The following LYST variants were observed in gnomAD, a reference collection of about 807,000 sequenced individuals.
LYST encodes the protein lysosomal trafficking regulator, also known as lysosomal-trafficking regulator.
LYST carries 192 observed loss-of-function variants against 413.6 expected under a neutral mutation model. That is an observed-to-expected ratio of 0.46 (90% CI 0.41 to 0.52). LYST has a LOEUF of 0.52. Ranked by LOEUF, LYST falls within the 20% of genes least tolerant of loss-of-function variation. The pLI is 0.00. For missense variants in LYST, 3,815 were observed against 4,499.9 expected (o/e 0.85, Z 4.35); for synonymous variants, 1,525 against 1,567.3 (o/e 0.97, Z 0.64).
intron 15 of LYST, among the ~76,000 whole-genome samples, chr1:235,781,327 G>A (rs1669851675): frequency 6.6e-6 from 1 of 151,926 alleles, no homozygotes; most frequent in Non-Finnish European, 1.5e-5. Context: ...CCAGAAAACA[G>A]GTTTTCTGTT....
chr1:235,785,202 C>T (rs891335979), intron 14 of LYST, among the ~76,000 whole-genome samples: 10 of 152,172 alleles, frequency 6.6e-5, no homozygotes, highest in Admixed American at 2.6e-4. Flanking sequence ...GTTTAATACC[C>T]TGTTCTTAGA....
intron 20 of LYST, among the ~76,000 whole-genome samples, chr1:235,768,881 C>T (rs1668389956): frequency 6.6e-6 from 1 of 152,044 alleles, no homozygotes; most frequent in Admixed American, 6.6e-5. Context: ...ATATTCTATT[C>T]CCTACAACAA....
At chr1:235,807,200 G>A (rs1291361959) in intron 5 of LYST, among the ~76,000 whole-genome samples, 1 of 152,160 alleles carries the variant, frequency 6.6e-6, no homozygotes, top group East Asian at 1.9e-4. Context: ...GGGAATTTTT[G>A]TTTACTTTAA....
intron 41 of LYST, 35 bp from the exon 42 acceptor site, chr1:235,715,392 T>C: frequency 6.2e-7 from 1 of 1,608,524 alleles, no homozygotes; most frequent in Non-Finnish European, 8.5e-7. Context: ...AATTCATGAT[T>C]GTGGGCTCCA....
chr1:235,712,060 C>A lies in LYST; in HGVS notation c.9922G>T (p.Glu3308Ter). ...TAAAAATAATTTATTGCTATACCTT[C>A]ACGGTTAACTAGGAACTCTGGAAGA... Reference protein sequence around the residue: ...FYLPEFLVNREGFDFGVRQNG... With the variant: ...FYLPEFLVNR Residue 3308 changes from glutamate to a stop codon, truncating the protein, a stop_gained, in exon 43 of 53, where the codon GAA (glutamate) becomes TAA (stop). Coordinates refer to ENST00000389793, the MANE Select transcript of LYST (RefSeq NM_000081.4). LOFTEE classifies it high-confidence loss of function. The A allele has an allele frequency of 6.5e-7, 1 of 1,537,194 alleles. No homozygotes were observed. Among genetic ancestry groups the A allele is most frequent in the Non-Finnish European group, 8.8e-7 (1 of 1,136,784 alleles).
chr1:235,802,876 A>T, intron 8 of LYST, 32 bp downstream of exon 8: 1 of 1,607,830 alleles, frequency 6.2e-7, no homozygotes, highest in Non-Finnish European at 8.5e-7. Context: ...TGGCTTGCAG[A>T]TCTAATTACA....
intron 31 of LYST, chr1:235,738,280 T>G (rs1664995367): frequency 6.2e-7 from 1 of 1,611,502 alleles, no homozygotes; most frequent in Non-Finnish European, 8.5e-7. Context: ...CTGGTCACTA[T>G]CACGGCTGAG....
intron 10 of LYST, among the ~76,000 whole-genome samples, chr1:235,794,981 A>G (rs542564822): frequency 2.6e-5 from 4 of 152,312 alleles, no homozygotes; most frequent in African/African-American, 7.2e-5. Flanking sequence ...AACAGCAAAA[A>G]TATGTGGGGG....
intron 20 of LYST, 79 bp from the exon 21 acceptor site, chr1:235,766,356 CTTT>C: frequency 9.7e-7 from 1 of 1,026,948 alleles, no homozygotes; most frequent in South Asian, 1.5e-5. Context: ...GCAAAATATT[CTTT>C]TTAAGATAGA....
chr1:235,864,410 T>C (rs1236935378), intron 1 of LYST, among the ~76,000 whole-genome samples: 3 of 152,188 alleles, frequency 2.0e-5, no homozygotes, highest in Non-Finnish European at 4.4e-5. Flanking sequence ...ATCTTTCTAC[T>C]TGTTCGGAAC....
chr1:235,781,949 C>T lies in LYST; in HGVS notation c.5001G>A (p.Leu1667=), dbSNP rs748942618. The part of the protein sequence containing the change: ...EFLQLAGKWD[L]GNLLLFNGAK... Reference sequence around the variant, plus strand: ...CACCGTTGAAGAGAAGCAAATTTCCCAGGTCCCATTTTCCAGCCAACTGCA... The same window carrying T: ...CACCGTTGAAGAGAAGCAAATTTCCTAGGTCCCATTTTCCAGCCAACTGCA... The change falls in exon 15 of 53, where the codon CTG becomes CTA. Residue 1667 remains leucine (L), a synonymous_variant. Coordinates refer to ENST00000389793, the MANE Select transcript of LYST (RefSeq NM_000081.4). 51 of 1,613,178 alleles carry T rather than the reference C, an allele frequency of 3.2e-5. No individual in the cohort carries two copies. The highest frequency in any genetic ancestry group is 6.7e-5 in the African/African-American group (5 of 74,916).
chr1:235,776,320 G>A (rs1213810755), intron 17 of LYST, among the ~76,000 whole-genome samples: 1 of 152,146 alleles, frequency 6.6e-6, no homozygotes, highest in Non-Finnish European at 1.5e-5. Flanking sequence ...GCTTCTTATT[G>A]CAAAATTAAT....
At chr1:235,708,189 G>T (rs1033618611) in intron 44 of LYST, among the ~76,000 whole-genome samples, 1 of 152,138 alleles carries the variant, frequency 6.6e-6, no homozygotes, top group Non-Finnish European at 1.5e-5. Flanking sequence ...TGATACATAT[G>T]TATAGATAGA....
upstream of LYST, among the ~76,000 whole-genome samples, chr1:235,869,450 T>A (rs933107571): frequency 1.3e-5 from 2 of 151,316 alleles, no homozygotes; most frequent in African/African-American, 4.9e-5. Flanking sequence ...CTGGCCCGGG[T>A]GAAAGAGCGA....
intron 48 of LYST, among the ~76,000 whole-genome samples, chr1:235,682,906 T>C (rs1473058441): frequency 6.6e-6 from 1 of 152,218 alleles, no homozygotes; most frequent in African/African-American, 2.4e-5. Context: ...AAAACTAAAA[T>C]GAGGTTAGCG....
At chr1:235,769,201 G>A (rs1668425183) in intron 20 of LYST, among the ~76,000 whole-genome samples, 1 of 152,020 alleles carries the variant, frequency 6.6e-6, no homozygotes, top group African/African-American at 2.4e-5. Context: ...CCACGTGGAG[G>A]ATAAGTAGGA....
chr1:235,851,527 C>T (rs1377715568), intron 1 of LYST, among the ~76,000 whole-genome samples: 1 of 151,682 alleles, frequency 6.6e-6, no homozygotes, highest in Non-Finnish European at 1.5e-5. Flanking sequence ...TAACCAAATA[C>T]CACCTGTACC....
In LYST at chr1:235,661,928, A is replaced by G. The variant is rs1309965570; in HGVS notation, c.*1012T>C. Reference sequence around the variant, plus strand: ...ATTCTTCCTAGAATTCTCAGATGGTATAGGTTAGTAGAAACAGAATGAAAT... The same window carrying G: ...ATTCTTCCTAGAATTCTCAGATGGTGTAGGTTAGTAGAAACAGAATGAAAT... On this transcript the variant is annotated 3_prime_UTR_variant, in exon 53 of 53. Coordinates refer to ENST00000389793, the MANE Select transcript of LYST (RefSeq NM_000081.4). 6.6e-6 allele frequency: 1 copy of G among 152,358 alleles called. No individual in the cohort carries two copies. The highest frequency in any genetic ancestry group is 1.5e-5 in the Non-Finnish European group (1 of 68,036). The allele number at this position is 152,358 out of a possible 1,614,324, so 9.4% of individuals were successfully genotyped here.
At position 235,820,142 on chromosome 1, in the gene LYST, C is replaced by CCTG. The variant is rs1572367821; in HGVS notation, c.193-7082_193-7081insCAG. 2.0e-5 allele frequency among the ~76,000 whole-genome samples: 3 copies of CCTG among 152,140 alleles called. No homozygotes were observed. In the East Asian group the frequency reaches 5.8e-4, roughly 29 times the overall value. On this transcript the variant is annotated intron_variant, in intron 3 of 52. Transcript: ENST00000389793. Reference sequence around the variant, plus strand: ...ACTATTGTTTAGACTGGGTTTTAAACTAATTGCCTAACCTAGCCATTCAGA... The same window carrying CCTG: ...ACTATTGTTTAGACTGGGTTTTAAACCTGTAATTGCCTAACCTAGCCATTCAGA...
Sources: allele counts gnomAD v4.1 joint callset (sites outside exome capture counted in the v4.1 genomes callset), GRCh38; gene constraint gnomAD v4.1.1; transcripts MANE v1.5; gene names NCBI Gene and HGNC (gene_info 2026-07-23, HGNC 2026-07-21).